LIAS: variants seen among roughly 807,000 people sequenced by gnomAD.
The protein encoded by LIAS is lipoic acid synthetase.
A neutral mutation model predicts 49.4 loss-of-function variants in LIAS; 36 were observed. The observed-to-expected ratio is 0.73, with a 90% CI of 0.56 to 0.96. The LOEUF (loss-of-function observed/expected upper bound fraction) is 0.96. Ranked by LOEUF, LIAS falls within the 40% of genes least tolerant of loss-of-function variation. The pLI is 0.00. For missense variants in LIAS, 399 were observed against 456.3 expected (o/e 0.87, Z 1.14); for synonymous variants, 145 against 155.8 (o/e 0.93, Z 0.52).
chr4:39,477,335 C>T lies in LIAS; in HGVS notation c.*220C>T. 1 of 397,192 alleles carries T rather than the reference C, an allele frequency of 2.5e-6. No homozygotes were observed. The allele number at this position is 397,192 out of a possible 1,614,324, so 24.6% of individuals were successfully genotyped here. On this transcript the variant is annotated 3_prime_UTR_variant, in exon 11 of 11. Coordinates refer to ENST00000640888, the MANE Select transcript of LIAS (RefSeq NM_006859.4). ...CCTGAGGTCAGGAGTTCGAGACCAG[C>T]CTGGCCAACATGGTGAAATCCTGTC... is the stretch of plus-strand genomic sequence containing the variant.
chr4:39,468,180 G>C (rs1312850005), intron 7 of LIAS: 2 of 152,046 alleles, frequency 1.3e-5, no homozygotes, highest in Non-Finnish European at 2.9e-5. Flanking sequence ...CTAAAGAAAA[G>C]ACTTCAAAAA....
At chr4:39,469,648 A>T (rs566645169) in intron 7 of LIAS, 2 of 167,512 alleles carry the variant, frequency 1.2e-5, no homozygotes, top group African/African-American at 2.4e-5. Flanking sequence ...AATGAACTTG[A>T]AAGTTTCAAC....
chr4:39,467,821 C>G (rs1443814210), intron 7 of LIAS, 175 bp downstream of exon 7: 3 of 460,464 alleles, frequency 6.5e-6, no homozygotes, highest in Non-Finnish European at 1.1e-5. Flanking sequence ...GAAAATATCA[C>G]CAACAAAATC....
At chr4:39,468,493 G>GAAAAAAAAAAAA (rs71643297) in intron 7 of LIAS, 1 of 128,750 alleles carries the variant, frequency 7.8e-6, no homozygotes, top group Admixed American at 8.0e-5. Context: ...AAAGAGAAAG[G>GAAAAAAAAAAAA]AAAAAAAAAA....
intron 7 of LIAS, chr4:39,468,763 A>T (rs1744865882): frequency 6.7e-6 from 1 of 149,162 alleles, no homozygotes; most frequent in African/African-American, 2.5e-5. Flanking sequence ...AATTCCAGCT[A>T]CTCTGGAGGC....
At chr4:39,473,270 T>A in intron 10 of LIAS, 59 bp downstream of exon 10, 1 of 1,030,230 alleles carries the variant, frequency 9.7e-7, no homozygotes, top group Non-Finnish European at 1.5e-6. Flanking sequence ...CATTAAGTTC[T>A]ACCACCAGTC....
chr4:39,464,377 T>C (rs1405731434), intron 4 of LIAS: 1 of 152,008 alleles, frequency 6.6e-6, no homozygotes, highest in Non-Finnish European at 1.5e-5. Flanking sequence ...GTGTAAGTTA[T>C]AAAGAATAAC....
intron 2 of LIAS, among the ~76,000 whole-genome samples, chr4:39,461,945 G>A (rs541805890): frequency 3.7e-3 from 564 of 152,120 alleles, no homozygotes; most frequent in Middle Eastern, 6.8e-3. Flanking sequence ...CGCCCACCTC[G>A]GCCTCCCAAA....
At chr4:39,467,720 G>A in intron 7 of LIAS, 74 bp downstream of exon 7, 1 of 1,335,338 alleles carries the variant, frequency 7.5e-7, no homozygotes, top group Non-Finnish European at 9.8e-7. Context: ...CCTTTTCCAG[G>A]GCTGAACTTT....
chr4:39,460,767 G>A (rs764621150), intron 1 of LIAS, 23 bp from the exon 2 acceptor site: 3 of 1,534,658 alleles, frequency 2.0e-6, no homozygotes, highest in South Asian at 2.6e-5. Context: ...CTAAATAAAC[G>A]TCATAATTAA....
Position 39,478,240 on chromosome 4 carries a change from A to G in LIAS, c.*1125A>G, listed in dbSNP as rs1315254232. The G allele has an allele frequency of 5.3e-5, 8 of 152,220 alleles. No individual in the cohort carries two copies. The highest frequency in any genetic ancestry group is 7.3e-5 in the Non-Finnish European group (5 of 68,064). The allele number at this position is 152,220 out of a possible 1,614,324, so 9.4% of individuals were successfully genotyped here. On this transcript the variant is annotated 3_prime_UTR_variant, in exon 11 of 11. Coordinates refer to ENST00000640888, the MANE Select transcript of LIAS (RefSeq NM_006859.4). ...GAATGTTGGCCAGATGTGGTGGCTC[A>G]TGCCTGTAATTCCAGCACTCTGAGA...
chr4:39,463,519 A>G lies in LIAS; in HGVS notation c.313-6A>G. The G allele has an allele frequency of 1.9e-6, 3 of 1,595,386 alleles. No individual in the cohort carries two copies. Among genetic ancestry groups the G allele is most frequent in the South Asian group, 1.1e-5 (1 of 88,396 alleles). ...CTAATGGTGTTCCATTTCCTTTTGC[A>G]TACAGGTATGTGAGGAAGCTCGATG... On this transcript the variant is annotated splice_polypyrimidine_tract_variant and splice_region_variant and intron_variant, in intron 3 of 10. Coordinates refer to ENST00000640888, the MANE Select transcript of LIAS (RefSeq NM_006859.4).
intron 3 of LIAS, among the ~76,000 whole-genome samples, chr4:39,462,711 G>A (rs1180753154): frequency 5.3e-5 from 8 of 152,238 alleles, no homozygotes; most frequent in Admixed American, 5.2e-4. Flanking sequence ...TTGGCCAGGT[G>A]CGGTGGCTCA....
At chr4:39,470,942 TC>T (rs1349967029) in intron 8 of LIAS, among the ~76,000 whole-genome samples, 2 of 144,900 alleles carry the variant, frequency 1.4e-5, no homozygotes, top group Non-Finnish European at 3.1e-5. Context: ...TCTACCAGAC[TC>T]CTACTCTAAA....
At chr4:39,460,745 T>C in intron 1 of LIAS, 45 bp from the exon 2 acceptor site, 1 of 1,483,802 alleles carries the variant, frequency 6.7e-7, no homozygotes, top group African/African-American at 1.4e-5. Flanking sequence ...AACTAAATTA[T>C]TACGGACTCC....
In LIAS at chr4:39,476,838, T is replaced by A. The variant is rs560444219; in HGVS notation, c.1067-225T>A. The A allele has an allele frequency of 1.7e-4, 79 of 465,198 alleles. 2 individuals are homozygous for A. In the South Asian group the frequency reaches 1.9e-3, roughly 11 times the overall value. 28.8% of individuals were successfully genotyped at this position (465,198 alleles called of 1,614,324 possible). A position where few individuals can be genotyped will look rare whatever the true frequency, so the allele number is the denominator to read the frequency against. ...TGTAATATTGGCTTACTAGAAAGAA[T>A]AATAGTAGGAGACTCTAGTCATTAT... On this transcript the variant is annotated intron_variant, in intron 10 of 10. Coordinates refer to ENST00000640888, the MANE Select transcript of LIAS (RefSeq NM_006859.4).
At chr4:39,459,917 G>A (rs1744368773) in intron 1 of LIAS, among the ~76,000 whole-genome samples, 1 of 150,180 alleles carries the variant, frequency 6.7e-6, no homozygotes, top group Non-Finnish European at 1.5e-5. Context: ...CCGAGATCGC[G>A]CAACTGCACT....
At chr4:39,469,719 C>T (rs1308514538) in intron 7 of LIAS, 1 of 261,392 alleles carries the variant, frequency 3.8e-6, no homozygotes, top group Non-Finnish European at 7.3e-6. Flanking sequence ...TCTCTTACTT[C>T]TGCTTTTTTT....
chr4:39,476,932 G>A, intron 10 of LIAS, 131 bp from the exon 11 acceptor site: 2 of 620,772 alleles, frequency 3.2e-6, no homozygotes, highest in Admixed American at 3.4e-5. Context: ...TGAGGTTTGA[G>A]AAGAGAGAAG....
Sources: gnomAD v4.1 joint callset for allele counts (sites outside exome capture counted in the v4.1 genomes callset) on GRCh38, gnomAD v4.1.1 for gene constraint, MANE v1.5 for transcripts, NCBI Gene and HGNC (gene_info 2026-07-23, HGNC 2026-07-21) for gene names.